LRRC7: variants seen among roughly 807,000 people sequenced by gnomAD.
The protein encoded by LRRC7 is leucine-rich repeat-containing protein 7.
LRRC7 carries 23 observed loss-of-function variants against 175.7 expected under a neutral mutation model. The observed-to-expected ratio is 0.13, with a 90% CI of 0.09 to 0.19. LRRC7 has a LOEUF of 0.19. Among genes scored for constraint, LRRC7 ranks in the 10% least tolerant of loss-of-function variants. The pLI is 1.00. For missense variants in LRRC7, 1,354 were observed against 1,904.7 expected, an observed-to-expected ratio of 0.71 and a Z score of 5.38; for synonymous variants, 685 against 680.9, an observed-to-expected ratio of 1.01 and a Z score of -0.09.
intron 7 of LRRC7, among the ~76,000 whole-genome samples, chr1:69,904,133 G>GT (rs931104093): frequency 2.6e-5 from 4 of 152,134 alleles, no homozygotes; most frequent in African/African-American, 9.6e-5. Context: ...AGCAATATAG[G>GT]TTTTAGCAAT....
intron 8 of LRRC7, among the ~76,000 whole-genome samples, chr1:69,937,124 G>A (rs913668632): frequency 6.6e-6 from 1 of 152,016 alleles, no homozygotes; most frequent in African/African-American, 2.4e-5. Context: ...TAATCAAATA[G>A]CCTGTGAATA....
chr1:69,600,745 A>G (rs890046673), intron 1 of LRRC7, among the ~76,000 whole-genome samples: 25 of 107,774 alleles, frequency 2.3e-4, no homozygotes, highest in African/African-American at 8.2e-4. Flanking sequence ...CTTATCTTGT[A>G]TTTATTTTCT....
At chr1:70,010,902 G>A (rs1469822522) in intron 11 of LRRC7, among the ~76,000 whole-genome samples, 1 of 152,062 alleles carries the variant, frequency 6.6e-6, no homozygotes, top group Non-Finnish European at 1.5e-5. Flanking sequence ...TGGACTGGTA[G>A]GGATTGTGAC....
chr1:70,035,410 G>A (rs889261547), intron 18 of LRRC7, among the ~76,000 whole-genome samples: 3 of 151,862 alleles, frequency 2.0e-5, no homozygotes, highest in Admixed American at 6.6e-5. Flanking sequence ...GTCGTGTATC[G>A]ATGTTGCTCG....
Position 70,135,634 on chromosome 1 carries a change from TCAAGA to T in LRRC7, c.*13749_*13753del, listed in dbSNP as rs1221858121. Among the ~76,000 whole-genome samples the T allele has an allele frequency of 3.3e-5, 5 of 152,202 alleles. No homozygotes were observed. The highest frequency in any genetic ancestry group is 7.4e-5 in the Non-Finnish European group (5 of 68,018). ...ACAAATAAGTGAATATCCATCATAT[TCAAGA>T]CTTCACTTTTATTGATGATCATTAA... On this transcript the variant is annotated 3_prime_UTR_variant, in exon 27 of 27. Transcript: ENST00000651989.
At chr1:69,603,445 C>T (rs1294437761) in intron 1 of LRRC7, among the ~76,000 whole-genome samples, 1 of 152,116 alleles carries the variant, frequency 6.6e-6, no homozygotes, top group Non-Finnish European at 1.5e-5. Flanking sequence ...AAGTATTTTG[C>T]AAATAATTTA....
At chr1:69,896,710 T>C (rs973008970) in intron 7 of LRRC7, among the ~76,000 whole-genome samples, 84 of 152,262 alleles carry the variant, frequency 5.5e-4, no homozygotes, top group African/African-American at 2.0e-3. Context: ...ACTATAATTA[T>C]TTTTTTAGTT....
At chr1:69,800,301 G>A (rs984497411) in intron 4 of LRRC7, among the ~76,000 whole-genome samples, 1 of 151,878 alleles carries the variant, frequency 6.6e-6, no homozygotes, top group African/African-American at 2.4e-5. Flanking sequence ...ATTTTCATGT[G>A]GATTGCATTG....
chr1:70,009,969 A>C (rs1012235516), intron 11 of LRRC7, among the ~76,000 whole-genome samples: 4 of 152,108 alleles, frequency 2.6e-5, no homozygotes, highest in Non-Finnish European at 5.9e-5. Context: ...ACCCTTAGTG[A>C]GTATAATCAT....
At position 69,819,917 on chromosome 1, in the gene LRRC7, C is replaced by T. The variant is rs572943272; in HGVS notation, c.422-5831C>T. The stretch of plus-strand genomic sequence containing the variant: ...ATGAAATATTATTTCTATCCTTCAG[C>T]CTACATAAGTCCCTAAAGTTTGTTT... On this transcript the variant is annotated intron_variant, in intron 4 of 26. Coordinates refer to ENST00000651989, the MANE Select transcript of LRRC7 (RefSeq NM_001370785.2). 1.3e-4 allele frequency among the ~76,000 whole-genome samples: 20 copies of T among 152,180 alleles called. No homozygotes were observed. The South Asian group carries it at 3.9e-3, about 30-fold the overall frequency.
intron 2 of LRRC7, among the ~76,000 whole-genome samples, chr1:69,690,320 A>G (rs1225559712): frequency 6.6e-6 from 1 of 152,230 alleles, no homozygotes; most frequent in African/African-American, 2.4e-5. Flanking sequence ...ATAAAACTTC[A>G]TTCAACATGA....
At chr1:69,920,794 T>C (rs1230784703) in intron 7 of LRRC7, among the ~76,000 whole-genome samples, 3 of 152,208 alleles carry the variant, frequency 2.0e-5, no homozygotes, top group Non-Finnish European at 1.5e-5. Flanking sequence ...GCATTTCTTA[T>C]TCACTTGACA....
At chr1:70,023,402 A>G in intron 17 of LRRC7, 28 bp downstream of exon 17, 1 of 1,529,734 alleles carries the variant, frequency 6.5e-7, no homozygotes, top group Non-Finnish European at 8.8e-7. Context: ...GGGTAGGAGA[A>G]TCTCCCATGT....
intron 4 of LRRC7, among the ~76,000 whole-genome samples, chr1:69,820,610 T>A (rs1423029260): frequency 1.3e-5 from 2 of 152,004 alleles, no homozygotes; most frequent in Non-Finnish European, 2.9e-5. Flanking sequence ...GAACATGTGG[T>A]GTTTGGTTTT....
intron 18 of LRRC7, among the ~76,000 whole-genome samples, chr1:70,031,814 T>C (rs1571095017): frequency 6.6e-6 from 1 of 151,944 alleles, no homozygotes; most frequent in East Asian, 1.9e-4. Flanking sequence ...TTCCTTTTTC[T>C]TTTGAGACGG....
intron 1 of LRRC7, among the ~76,000 whole-genome samples, chr1:69,626,746 C>A (rs1651640560): frequency 7.6e-6 from 1 of 131,902 alleles, no homozygotes; most frequent in Non-Finnish European, 1.6e-5. Context: ...ATGACAGGCC[C>A]CGGTGTGTGA....
At chr1:69,975,928 C>T (rs941702630) in intron 8 of LRRC7, among the ~76,000 whole-genome samples, 9 of 151,802 alleles carry the variant, frequency 5.9e-5, no homozygotes, top group African/African-American at 1.2e-4. Flanking sequence ...CTATCTTTAA[C>T]CTGTTCCTCT....
intron 23 of LRRC7, among the ~76,000 whole-genome samples, chr1:70,056,920 A>G (rs1188419680): frequency 6.6e-6 from 1 of 152,200 alleles, no homozygotes; most frequent in Non-Finnish European, 1.5e-5. Flanking sequence ...GTCAAGCAAG[A>G]TAAGTATGAC....
chr1:69,791,739 A>G (rs1190874204), intron 3 of LRRC7, among the ~76,000 whole-genome samples: 1 of 152,056 alleles, frequency 6.6e-6, no homozygotes, highest in African/African-American at 2.4e-5. Flanking sequence ...TCCAGAAGTT[A>G]CTTAAAAGAA....
Sources: allele counts gnomAD v4.1 joint callset (sites outside exome capture counted in the v4.1 genomes callset), GRCh38; gene constraint gnomAD v4.1.1; transcripts MANE v1.5; gene names NCBI Gene and HGNC (gene_info 2026-07-23, HGNC 2026-07-21).